ELF2: variants seen among roughly 807,000 people sequenced by gnomAD.
ELF2 encodes the protein E74 like ETS transcription factor 2, also known as ETS-related transcription factor Elf-2.
Under a neutral mutation model 54.8 loss-of-function variants are expected in ELF2, and 11 were observed. The observed-to-expected ratio is 0.20, with a 90% CI of 0.13 to 0.33. The LOEUF is 0.33. Among genes scored for constraint, ELF2 ranks in the 10% least tolerant of loss-of-function variants. ELF2 has a pLI of 1.00. For missense variants in ELF2, 513 were observed against 703.0 expected (o/e 0.73, Z 3.06); for synonymous variants, 203 against 245.1 (o/e 0.83, Z 1.61).
chr4:139,097,800 ATTTTC>A (rs1249454963), intron 4 of ELF2, among the ~76,000 whole-genome samples: 4 of 151,590 alleles, frequency 2.6e-5, no homozygotes, highest in African/African-American at 9.7e-5. Flanking sequence ...ATTTTGTTTG[ATTTTC>A]TTTTTAGAGA....
intron 1 of ELF2, among the ~76,000 whole-genome samples, chr4:139,144,685 T>C (rs1739053687): frequency 6.6e-6 from 1 of 152,150 alleles, no homozygotes; most frequent in Non-Finnish European, 1.5e-5. Flanking sequence ...TTGCCAAGTG[T>C]GTAGGAGCTG....
chr4:139,139,376 AAT>A, intron 2 of ELF2, 35 bp downstream of exon 2: 1 of 1,069,876 alleles, frequency 9.3e-7, no homozygotes, highest in African/African-American at 1.6e-5. Context: ...TACTATTCCC[AAT>A]ATATATAATA....
At chr4:139,067,602 A>C (rs771572164) in intron 7 of ELF2, 82 bp downstream of exon 7, 15 of 1,406,178 alleles carry the variant, frequency 1.1e-5, no homozygotes, top group East Asian at 2.3e-5. Context: ...CATGTACTAG[A>C]AATAGTTTTC....
chr4:139,158,479 G>C (rs1740775069), intron 1 of ELF2, among the ~76,000 whole-genome samples: 1 of 152,148 alleles, frequency 6.6e-6, no homozygotes, highest in Non-Finnish European at 1.5e-5. Flanking sequence ...AGTGGGCAAT[G>C]TTTCTCAGGG....
intron 4 of ELF2, among the ~76,000 whole-genome samples, chr4:139,105,048 G>A (rs1461176109): frequency 1.3e-5 from 2 of 152,096 alleles, no homozygotes; most frequent in Non-Finnish European, 2.9e-5. Context: ...AGTAATATAG[G>A]TAATGTGTAC....
intron 1 of ELF2, among the ~76,000 whole-genome samples, chr4:139,176,237 T>C (rs1742902889): frequency 6.6e-6 from 1 of 152,150 alleles, no homozygotes; most frequent in South Asian, 2.1e-4. Flanking sequence ...AAAGCCTCCC[T>C]ACCTCCCGGG....
intron 1 of ELF2, among the ~76,000 whole-genome samples, chr4:139,158,064 G>A (rs1231894889): frequency 2.6e-5 from 4 of 152,164 alleles, no homozygotes; most frequent in Non-Finnish European, 4.4e-5. Context: ...GGCTGAGTCC[G>A]AAGAAAGAGT....
chr4:139,066,400 G>A (rs1695806408), intron 7 of ELF2: 1 of 151,776 alleles, frequency 6.6e-6, no homozygotes, highest in Admixed American at 6.6e-5. Flanking sequence ...TTGAGGCGAG[G>A]GGTTTGGGAC....
At chr4:139,081,955 T>C (rs775951371) in intron 4 of ELF2, among the ~76,000 whole-genome samples, 37 of 152,282 alleles carry the variant, frequency 2.4e-4, no homozygotes, top group Non-Finnish European at 5.1e-4. Flanking sequence ...AGTACAGAAA[T>C]GCAGTAGAGC....
rs58765596 is a variant in ELF2, at chr4:139,132,841, C to CATATATATAT, written c.72+4779_72+4788dup. Reference sequence around the variant, plus strand: ...TTTCCAAAGTGGTTATATTACTTTACATATATATATATATATATATATATA... The same window carrying CATATATATAT: ...TTTCCAAAGTGGTTATATTACTTTACATATATATATATATATATATATATATATATATATA... On this transcript the variant is annotated intron_variant, in intron 3 of 9. Coordinates refer to ENST00000686138, the MANE Select transcript of ELF2 (RefSeq NM_001331036.3). Among the ~76,000 whole-genome samples, 388 of 114,968 alleles carry CATATATATAT rather than the reference C, an allele frequency of 3.4e-3. 2 individuals are homozygous for CATATATATAT. Among genetic ancestry groups the CATATATATAT allele is most frequent in the African/African-American group, 7.8e-3 (247 of 31,580 alleles). The allele number at this position is 114,968 out of a possible 152,430, so 75.4% of individuals were successfully genotyped here.
At chr4:139,079,367 A>G (rs1730779693) in intron 4 of ELF2, among the ~76,000 whole-genome samples, 1 of 152,202 alleles carries the variant, frequency 6.6e-6, no homozygotes, top group Non-Finnish European at 1.5e-5. Context: ...CCATCTATAC[A>G]TAGCTCCTAA....
chr4:139,091,921 A>AC (rs1466816555), intron 4 of ELF2, among the ~76,000 whole-genome samples: 1 of 149,436 alleles, frequency 6.7e-6, no homozygotes, highest in Non-Finnish European at 1.5e-5. Flanking sequence ...GAATATATAT[A>AC]CACACATATA....
chr4:139,082,121 A>G (rs778149056), intron 4 of ELF2, among the ~76,000 whole-genome samples: 2 of 152,226 alleles, frequency 1.3e-5, no homozygotes, highest in Admixed American at 6.5e-5. Flanking sequence ...TTACGAAAAA[A>G]TAGTTTCCAA....
chr4:139,068,632 C>CT (rs35073850), intron 6 of ELF2, among the ~76,000 whole-genome samples: 1 of 152,152 alleles, frequency 6.6e-6, no homozygotes, highest in Admixed American at 6.5e-5. Flanking sequence ...GTGTCCTTCC[C>CT]TTTTGTTCCT....
intron 4 of ELF2, chr4:139,084,168 C>T: frequency 6.2e-7 from 1 of 1,613,548 alleles, no homozygotes; most frequent in Non-Finnish European, 8.5e-7. Context: ...GTTCGTGGGT[C>T]CCTCATGCAG....
At chr4:139,084,495 C>A (rs535254781) in intron 4 of ELF2, 16 of 922,796 alleles carry the variant, frequency 1.7e-5, no homozygotes, top group Middle Eastern at 4.7e-4. Flanking sequence ...GCTGGCAACG[C>A]GATCCTTCCG....
At chr4:139,068,753 A>C (rs1257976189) in intron 6 of ELF2, among the ~76,000 whole-genome samples, 1 of 152,250 alleles carries the variant, frequency 6.6e-6, no homozygotes, top group Non-Finnish European at 1.5e-5. Context: ...GAAATTAGTT[A>C]TATTCAATCC....
At chr4:139,151,032 A>AAAAAAAAGAAAGGAAAG (rs1301387000) in intron 1 of ELF2, among the ~76,000 whole-genome samples, 4 of 102,532 alleles carry the variant, frequency 3.9e-5, no homozygotes, top group African/African-American at 2.0e-4. Flanking sequence ...TCAAAAAAAA[A>AAAAAAAAGAAAGGAAAG]AAAGAAAGAA....
In ELF2 at chr4:139,060,626, A is replaced by G; in HGVS notation, c.855T>C (p.Leu285=). The G allele has an allele frequency of 6.2e-7, 1 of 1,611,374 alleles. No homozygotes were observed. The highest frequency in any genetic ancestry group is 8.5e-7 in the Non-Finnish European group (1 of 1,178,794). The part of the protein sequence containing the change: ...GILAKVEGQR[L]VYQFKDMPKN... The stretch of plus-strand genomic sequence containing the variant: ...TCGGCATATCCTTGAACTGATATAC[A>G]AGCCTCTGTCCTTCAACCTTTGCAA... Residue 285 remains leucine (L), a synonymous_variant, in exon 9 of 10, where the codon CTT becomes CTC. Transcript: ENST00000686138.
Sources: allele counts gnomAD v4.1 joint callset (sites outside exome capture counted in the v4.1 genomes callset), GRCh38; gene constraint gnomAD v4.1.1; transcripts MANE v1.5; gene names NCBI Gene and HGNC (gene_info 2026-07-23, HGNC 2026-07-21).